CASKIN1: variants seen among roughly 807,000 people sequenced by gnomAD.
CASKIN1 encodes the protein CASK interacting protein 1.
In CASKIN1, 42 loss-of-function variants were observed where a neutral mutation model predicts 117.5. The ratio of observed to expected loss-of-function variants is 0.36; its 90% CI spans 0.28 to 0.46. The LOEUF is 0.46. CASKIN1 is among the 20% of genes least tolerant of loss of function. The probability of loss-of-function intolerance (pLI) is 1.00; values close to 1 mark genes in which losing one functional copy is unlikely to be tolerated. For synonymous variants in CASKIN1, 1,148 were observed against 961.7 expected, an observed-to-expected ratio of 1.19 and a Z score of -3.59; for missense variants, 2,083 against 2,077.3, an observed-to-expected ratio of 1.00 and a Z score of -0.05.
At position 2,179,403 on chromosome 16, in the gene CASKIN1, C is replaced by T. The variant is rs946358687; in HGVS notation, c.3776-78G>A. 4.6e-6 allele frequency: 6 copies of T among 1,314,754 alleles called. No homozygotes were observed. Among genetic ancestry groups the T allele is most frequent in the East Asian group, 3.0e-5 (1 of 33,292 alleles). 81.4% of individuals were successfully genotyped at this position (1,314,754 alleles called of 1,614,324 possible). On this transcript the variant is annotated intron_variant, in intron 18 of 19. Transcript: ENST00000343516. This position sits in a 1 kb window ranked among gnomAD's most constrained non-coding sequence, Gnocchi z 5.8. ...CCCCTGCCCCAGCCTCCCGCGGCTTCCTCCCCAGCGGACCGGGAAAGACCC... is the reference window on the plus strand; with the variant it reads ...CCCCTGCCCCAGCCTCCCGCGGCTTTCTCCCCAGCGGACCGGGAAAGACCC...
In CASKIN1 at chr16:2,184,761, C is replaced by A. The variant is rs756955337; in HGVS notation, c.1416+16G>T. 7 of 1,494,930 alleles carry A rather than the reference C, an allele frequency of 4.7e-6. No homozygotes were observed. The highest frequency in any genetic ancestry group is 2.8e-5 in the African/African-American group (2 of 71,164). 92.6% of individuals were successfully genotyped at this position (1,494,930 alleles called of 1,614,324 possible). ...CTCCCCGGAGCCCACGCTGAGAACA[C>A]CCCCAAGCCCTGTACCTTGCCCTCC... On this transcript the variant is annotated intron_variant, in intron 14 of 19. Coordinates refer to ENST00000343516, the MANE Select transcript of CASKIN1 (RefSeq NM_020764.4).
chr16:2,194,057 C>T (rs1477115614), intron 1 of CASKIN1, among the ~76,000 whole-genome samples: 1 of 152,178 alleles, frequency 6.6e-6, no homozygotes. Flanking sequence ...GGCCTTACCC[C>T]CGACCAGCCC....
At chr16:2,178,711 G>A in intron 19 of CASKIN1, 65 bp from the exon 20 acceptor site, 1 of 1,443,570 alleles carries the variant, frequency 6.9e-7, no homozygotes, top group African/African-American at 1.5e-5. Flanking sequence ...ACCCCGACCA[G>A]GACACGCCCA....
At chr16:2,192,141 A>G (rs948626227) in intron 1 of CASKIN1, among the ~76,000 whole-genome samples, 1 of 151,548 alleles carries the variant, frequency 6.6e-6, no homozygotes, top group Non-Finnish European at 1.5e-5. Flanking sequence ...AAAATAAAGG[A>G]AAAAAAAAGT....
At position 2,180,369 on chromosome 16, in the gene CASKIN1, C is replaced by T; in HGVS notation, c.2999G>A (p.Ser1000Asn). The T allele has an allele frequency of 1.3e-6, 2 of 1,594,298 alleles. No homozygotes were observed. Among genetic ancestry groups the T allele is most frequent in the Non-Finnish European group, 1.7e-6 (2 of 1,176,948 alleles). The change falls in exon 18 of 20, where the codon AGT (serine) becomes AAT (asparagine). Residue 1000 changes from serine (S) to asparagine (N), a missense_variant. Around this residue, in one of 3 missense-constraint regions of CASKIN1, gnomAD observed 1,818 missense variants for 1,688.9 expected, o/e 1.08. Transcript: ENST00000343516. ...AGSVDTGSAG[S>N]VKSIAAMLEL... ...CAGCATGGCCGCGATGCTCTTCACA[C>T]TGCCGGCACTACCCGTGTCCACGCT... is the stretch of plus-strand genomic sequence containing the variant.
rs781085419 is a variant in CASKIN1 at position 2,179,985 on chromosome 16, A to G, written c.3383T>C (p.Ile1128Thr). Residue 1128 changes from isoleucine to threonine, a missense_variant, in exon 18 of 20, where the codon ATC becomes ACC. Transcript: ENST00000343516. This position sits in a 1 kb window ranked among gnomAD's most constrained non-coding sequence, Gnocchi z 5.8. ...CTCCTGCTGGTTCTGCTTGGCCCGG[A>G]TGCGCCTCTTGAGTGTGGCGCTGGC... ...VEASATLKRRIRAKQNQQENV... is the reference protein window; with the variant it reads ...VEASATLKRRTRAKQNQQENV... 6.2e-7 allele frequency: 1 copy of G among 1,605,736 alleles called. No homozygotes were observed. The highest frequency in any genetic ancestry group is 1.1e-5 in the South Asian group (1 of 89,888).
In CASKIN1 at chr16:2,181,385, C is replaced by T; in HGVS notation, c.1983G>A (p.Leu661=). ...CAGCCGGGCCAGTCATGGCAGCCTG[C>T]AGCTCGTCACTGAGCTCGCTGTCCT... The part of the protein sequence containing the change: ...TFQDSELSDE[L]QAAMTGPAEV... The change falls in exon 18 of 20, where the codon CTG becomes CTA. Residue 661 remains leucine (L), a synonymous_variant. Coordinates refer to ENST00000343516, the MANE Select transcript of CASKIN1 (RefSeq NM_020764.4). 1 of 1,609,844 alleles carries T rather than the reference C, an allele frequency of 6.2e-7. No homozygotes were observed. The highest frequency in any genetic ancestry group is 8.5e-7 in the Non-Finnish European group (1 of 1,179,170).
At position 2,181,918 on chromosome 16, in the gene CASKIN1, G is replaced by A. The variant is rs201711415; in HGVS notation, c.1641C>T (p.Ala547=). The A allele has an allele frequency of 9.2e-5, 149 of 1,613,606 alleles. No individual in the cohort carries two copies. The highest frequency in any genetic ancestry group is 1.2e-4 in the African/African-American group (9 of 75,016). ...CCAGGCCGATCATGGACAGCCACACGGCCAGGTTAGCCTACAGAGCAGACA... is the reference window on the plus strand; with the variant it reads ...CCAGGCCGATCATGGACAGCCACACAGCCAGGTTAGCCTACAGAGCAGACA... ...WLPEHKPANL[A]VWLSMIGLAQ... Residue 547 remains alanine (A), a synonymous_variant, in exon 17 of 20, where the codon GCC becomes GCT. Coordinates refer to ENST00000343516, the MANE Select transcript of CASKIN1 (RefSeq NM_020764.4).
rs973725711 is a variant in CASKIN1 at position 2,179,189 on chromosome 16, C to T, written c.3912G>A (p.Ala1304=). The stretch of plus-strand genomic sequence containing the variant: ...TGGCGAGGGCGGCGGGCGGCTGTCG[C>T]GCGGGCGAGGGTGCGGGTGAAGGGC... ...SAGPSPAPSP[A]RQPPAALAKP... is the part of the protein sequence containing the mutation. The change falls in exon 19 of 20, where the codon GCG becomes GCA. Residue 1304 remains alanine (A), a synonymous_variant. Transcript: ENST00000343516. The surrounding 1 kb of genome is among the most constrained non-coding windows in gnomAD (Gnocchi z 5.8). 1.8e-6 allele frequency: 2 copies of T among 1,136,314 alleles called. No homozygotes were observed. Among genetic ancestry groups the T allele is most frequent in the African/African-American group, 1.7e-5 (1 of 60,488 alleles). The allele number at this position is 1,136,314 out of a possible 1,614,324, so 70.4% of individuals were successfully genotyped here.
chr16:2,189,572 G>A lies in CASKIN1; in HGVS notation c.245-8C>T. 1.3e-6 allele frequency: 2 copies of A among 1,592,786 alleles called. No homozygotes were observed. Among genetic ancestry groups the A allele is most frequent in the Non-Finnish European group, 8.5e-7 (1 of 1,171,656 alleles). The stretch of plus-strand genomic sequence containing the variant: ...AGTGCAGCGGCCGCATGCCTGGGGG[G>A]CGAGGGGATGCTGGGAGCTGACCCT... On this transcript the variant is annotated splice_region_variant and splice_polypyrimidine_tract_variant and intron_variant, in intron 3 of 19. Transcript: ENST00000343516.
chr16:2,186,936 C>T (rs1394310672), intron 9 of CASKIN1, 42 bp downstream of exon 9: 3 of 1,606,798 alleles, frequency 1.9e-6, no homozygotes, highest in Non-Finnish European at 2.6e-6. Flanking sequence ...CGCCCAGGTG[C>T]CGCCCCCTCC....
Position 2,180,645 on chromosome 16 carries a change from G to A in CASKIN1, c.2723C>T (p.Ala908Val), listed in dbSNP as rs756270050. ...LLVPAAAGPY[A>V]TVQRRVGRSH... The stretch of plus-strand genomic sequence containing the variant: ...GCGGCCCACGCGCCGCTGGACCGTG[G>A]CATAGGGGCCGGCAGCCGCAGGCAC... The change falls in exon 18 of 20, where the codon GCC becomes GTC. Residue 908 changes from alanine to valine, a missense_variant. Physicochemically the swap from Ala to Val is moderately conservative, Grantham distance 64. This residue lies in a region of CASKIN1 where 1,818 missense variants were observed against 1,688.9 expected (regional missense o/e 1.08). Transcript: ENST00000343516. The A allele has an allele frequency of 1.9e-6, 3 of 1,540,522 alleles. No individual in the cohort carries two copies. Among genetic ancestry groups the A allele is most frequent in the Non-Finnish European group, 1.7e-6 (2 of 1,150,066 alleles).
Position 2,182,967 on chromosome 16 carries a change from T to G in CASKIN1, c.1629+679A>C, listed in dbSNP as rs763421163. Reference sequence around the variant, plus strand: ...CACCACGCCTGGCCAATTTTTGGTTTTAGTAGAGACTGGGTTTCACCGTGT... The same window carrying G: ...CACCACGCCTGGCCAATTTTTGGTTGTAGTAGAGACTGGGTTTCACCGTGT... On this transcript the variant is annotated intron_variant, in intron 16 of 19. Coordinates refer to ENST00000343516, the MANE Select transcript of CASKIN1 (RefSeq NM_020764.4). The surrounding 1 kb of genome is among the most constrained non-coding windows in gnomAD (Gnocchi z 4.1). Among the ~76,000 whole-genome samples the G allele has an allele frequency of 6.6e-6, 1 of 152,208 alleles. No individual in the cohort carries two copies. The highest frequency in any genetic ancestry group is 1.5e-5 in the Non-Finnish European group (1 of 68,026).
rs1439042855 is a variant in CASKIN1, at chr16:2,182,598, A to G, written c.1630-669T>C. On this transcript the variant is annotated intron_variant, in intron 16 of 19. Coordinates refer to ENST00000343516, the MANE Select transcript of CASKIN1 (RefSeq NM_020764.4). The surrounding 1 kb of genome is among the most constrained non-coding windows in gnomAD (Gnocchi z 4.1). ...GACCTGACCCCTAGGAGGATCCCCGAGCCACCAATTGAGTGAGGCAAGGCA... is the reference window on the plus strand; with the variant it reads ...GACCTGACCCCTAGGAGGATCCCCGGGCCACCAATTGAGTGAGGCAAGGCA... 6.6e-6 allele frequency among the ~76,000 whole-genome samples: 1 copy of G among 152,190 alleles called. No homozygotes were observed. The highest frequency in any genetic ancestry group is 2.4e-5 in the African/African-American group (1 of 41,440).
rs771909738 is a variant in CASKIN1, at chr16:2,184,989, G to A, written c.1286C>T (p.Pro429Leu). The A allele has an allele frequency of 2.2e-5, 35 of 1,607,924 alleles. No homozygotes were observed. Among genetic ancestry groups the A allele is most frequent in the African/African-American group, 5.3e-5 (4 of 74,870 alleles). Residue 429 changes from proline (P) to leucine (L), a missense_variant, in exon 13 of 20, where the codon CCG becomes CTG. Pro to Leu is a moderately conservative substitution (Grantham distance 98). Coordinates refer to ENST00000343516, the MANE Select transcript of CASKIN1 (RefSeq NM_020764.4). ...CGGAGGCTTGGCGGGGCTGTCCCCC[G>A]GGCCGGACTCAGAGACGGACTTCTG... is the stretch of plus-strand genomic sequence containing the variant. ...LSQKSVSESG[P>L]GDSPAKPPEG...
At position 2,178,603 on chromosome 16, in the gene CASKIN1, T is replaced by C. The variant is rs1269352105; in HGVS notation, c.4243A>G (p.Ile1415Val). Reference sequence around the variant, plus strand: ...GCCAGGTCGTCGAACATGCTGCCGATGTCGTCCAGGATGCTGCCAGTGCTC... The same window carrying C: ...GCCAGGTCGTCGAACATGCTGCCGACGTCGTCCAGGATGCTGCCAGTGCTC... ...EKSTGSILDD[I>V]GSMFDDLADQ... Residue 1415 changes from isoleucine to valine, a missense_variant, in exon 20 of 20, where the codon ATC becomes GTC. By Grantham distance (29) the Ile-to-Val change is conservative. Transcript: ENST00000343516. 2 of 1,597,794 alleles carry C rather than the reference T, an allele frequency of 1.3e-6. No individual in the cohort carries two copies. The highest frequency in any genetic ancestry group is 8.5e-7 in the Non-Finnish European group (1 of 1,176,334).
Position 2,182,995 on chromosome 16 carries a change from G to A in CASKIN1, c.1629+651C>T, listed in dbSNP as rs960508232. Among the ~76,000 whole-genome samples, 3 of 152,246 alleles carry A rather than the reference G, an allele frequency of 2.0e-5. No homozygotes were observed. The highest frequency in any genetic ancestry group is 7.2e-5 in the African/African-American group (3 of 41,472). The stretch of plus-strand genomic sequence containing the variant: ...GTAGAGACTGGGTTTCACCGTGTTA[G>A]CCAGGATGGTCTCGATCTCTTGACC... On this transcript the variant is annotated intron_variant, in intron 16 of 19. Coordinates refer to ENST00000343516, the MANE Select transcript of CASKIN1 (RefSeq NM_020764.4). This position sits in a 1 kb window ranked among gnomAD's most constrained non-coding sequence, Gnocchi z 4.1.
intron 16 of CASKIN1, 122 bp downstream of exon 16, chr16:2,183,524 C>A: frequency 1.1e-6 from 1 of 922,528 alleles, no homozygotes; most frequent in Non-Finnish European, 1.6e-6. Flanking sequence ...AGGGCATCCT[C>A]CACTCTCCTC....
rs934188352 is a variant in CASKIN1, at chr16:2,181,520, G to A, written c.1848C>T (p.Gly616=). Residue 616 remains glycine, a synonymous_variant, in exon 18 of 20, where the codon GGC becomes GGT. Coordinates refer to ENST00000343516, the MANE Select transcript of CASKIN1 (RefSeq NM_020764.4). ...ACTGGGGCGCCTTCCGGCGCAGGGG[G>A]CCCCCCTCATACTTGGCGTATTCAG... ...QKAEYAKYEG[G]PLRRKAPQSL... The A allele has an allele frequency of 3.1e-6, 5 of 1,606,622 alleles. No homozygotes were observed. The highest frequency in any genetic ancestry group is 2.2e-5 in the South Asian group (2 of 90,428).
Sources: allele counts gnomAD v4.1 joint callset (sites outside exome capture counted in the v4.1 genomes callset), GRCh38; gene constraint gnomAD v4.1.1; regional missense constraint gnomAD v4.1.1; non-coding constraint Gnocchi (gnomAD v3.1); transcripts MANE v1.5; gene names NCBI Gene and HGNC (gene_info 2026-07-23, HGNC 2026-07-21).